CAB39: variants seen among roughly 807,000 people sequenced by gnomAD.
CAB39 encodes calcium-binding protein 39.
In CAB39, 8 loss-of-function variants were observed where a neutral mutation model predicts 40.0. The observed-to-expected ratio is 0.20, with a 90% confidence interval of 0.12 to 0.36. The LOEUF is 0.36. Ranked by LOEUF, CAB39 falls within the 10% of genes least tolerant of loss-of-function variation. CAB39 has a pLI of 1.00. For missense variants in CAB39, 270 were observed against 401.1 expected, an observed-to-expected ratio of 0.67 and a Z score of 2.79; for synonymous variants, 156 against 141.6, an observed-to-expected ratio of 1.10 and a Z score of -0.72.
At chr2:230,738,018 C>T (rs1694816492) in intron 1 of CAB39, among the ~76,000 whole-genome samples, 1 of 152,188 alleles carries the variant, frequency 6.6e-6, no homozygotes, top group Non-Finnish European at 1.5e-5. Context: ...GACGAAATTA[C>T]AAAGTCATTT....
intron 2 of CAB39, among the ~76,000 whole-genome samples, chr2:230,789,293 G>C (rs962794710): frequency 1.3e-5 from 2 of 152,114 alleles, no homozygotes; most frequent in Non-Finnish European, 2.9e-5. Context: ...ATTTGTAGTT[G>C]TAGTAACTAT....
At chr2:230,813,063 G>A (rs774715054) in intron 6 of CAB39, among the ~76,000 whole-genome samples, 7 of 152,230 alleles carry the variant, frequency 4.6e-5, no homozygotes, top group South Asian at 2.1e-4. Context: ...CCCGGCACTC[G>A]CGATGACCAA....
chr2:230,815,497 C>A (rs1283143512), intron 7 of CAB39, among the ~76,000 whole-genome samples: 1 of 152,192 alleles, frequency 6.6e-6, no homozygotes, highest in Non-Finnish European at 1.5e-5. Flanking sequence ...TACAGATGCA[C>A]ACAGTTCACT....
intron 1 of CAB39, among the ~76,000 whole-genome samples, chr2:230,715,664 G>A (rs973463295): frequency 1.3e-5 from 2 of 152,150 alleles, no homozygotes; most frequent in African/African-American, 4.8e-5. Flanking sequence ...TTCATGAAAT[G>A]GTTTGCTACT....
intron 1 of CAB39, among the ~76,000 whole-genome samples, chr2:230,753,012 G>A (rs55856923): frequency 6.6e-6 from 1 of 152,140 alleles, no homozygotes; most frequent in Non-Finnish European, 1.5e-5. Context: ...CCATAGATGA[G>A]ATCACCCAGA....
intron 1 of CAB39, among the ~76,000 whole-genome samples, chr2:230,758,920 A>G (rs1695241687): frequency 1.3e-5 from 2 of 152,202 alleles, no homozygotes; most frequent in Admixed American, 6.5e-5. Flanking sequence ...AACTTCCAAC[A>G]TGTTCCCAAG....
At chr2:230,745,783 C>T (rs1273290148) in intron 1 of CAB39, among the ~76,000 whole-genome samples, 11 of 151,962 alleles carry the variant, frequency 7.2e-5, no homozygotes, top group Admixed American at 5.9e-4. Flanking sequence ...CATACCACCA[C>T]GCCCAGCTAA....
chr2:230,748,829 AAAATATATATATATATAT>A lies in CAB39; in HGVS notation c.-43-11128_-43-11111del, dbSNP rs1168029198. The stretch of plus-strand genomic sequence containing the variant: ...TTCCAAAAAGAAAAAAAAAAAAAAA[AAAATATATATATATATAT>A]ATATATATATATATATATATAACAA... On this transcript the variant is annotated intron_variant, in intron 1 of 8. Coordinates refer to ENST00000258418, the MANE Select transcript of CAB39 (RefSeq NM_016289.4). Among the ~76,000 whole-genome samples the A allele has an allele frequency of 1.2e-3, 57 of 46,428 alleles. 1 individual carries two copies. Among genetic ancestry groups the A allele is most frequent in the East Asian group, 5.6e-3 (8 of 1,434 alleles). The allele number at this position is 46,428 out of a possible 152,430, so 30.5% of individuals were successfully genotyped here.
chr2:230,773,314 A>ATGTGTGTG (rs71052549), intron 2 of CAB39, among the ~76,000 whole-genome samples: 4,091 of 132,610 alleles, frequency 0.031, 76 homozygotes, highest in African/African-American at 0.047. Flanking sequence ...ATATATATAT[A>ATGTGTGTG]TGTGTGTGTG....
intron 1 of CAB39, among the ~76,000 whole-genome samples, chr2:230,716,028 A>G (rs903955987): frequency 1.3e-5 from 2 of 152,194 alleles, no homozygotes; most frequent in African/African-American, 4.8e-5. Flanking sequence ...AAGGCAGCTT[A>G]CTTCCCTTCA....
At chr2:230,776,708 C>T (rs945523248) in intron 2 of CAB39, among the ~76,000 whole-genome samples, 2 of 142,386 alleles carry the variant, frequency 1.4e-5, no homozygotes, top group Non-Finnish European at 3.1e-5. Context: ...CTTCCCCCCC[C>T]GAGATGGAGT....
At position 230,818,518 on chromosome 2, in the gene CAB39, G is replaced by C; in HGVS notation, c.840G>C (p.Val280=). ...IQFEAFHVFK[V]FVANPNKTQP... Reference sequence around the variant, plus strand: ...CATGTGCGTTTCTCTCCACGCAGGTGTTTGTAGCCAATCCTAACAAGACGC... The same window carrying C: ...CATGTGCGTTTCTCTCCACGCAGGTCTTTGTAGCCAATCCTAACAAGACGC... Residue 280 remains valine (V), a splice_region_variant and synonymous_variant, in exon 9 of 9, where the codon GTG becomes GTC. Coordinates refer to ENST00000258418, the MANE Select transcript of CAB39 (RefSeq NM_016289.4). 1 of 1,613,538 alleles carries C rather than the reference G, an allele frequency of 6.2e-7. No individual in the cohort carries two copies. The highest frequency in any genetic ancestry group is 8.5e-7 in the Non-Finnish European group (1 of 1,179,684).
intron 5 of CAB39, 145 bp from the exon 6 acceptor site, chr2:230,810,118 A>T: frequency 2.0e-6 from 1 of 507,096 alleles, no homozygotes. Flanking sequence ...TTATAGAATC[A>T]GTGTTTTAAT....
At chr2:230,809,470 T>G (rs1252155607) in intron 5 of CAB39, among the ~76,000 whole-genome samples, 1 of 152,188 alleles carries the variant, frequency 6.6e-6, no homozygotes, top group East Asian at 1.9e-4. Context: ...TGCTGTCACT[T>G]GTTCCCATTC....
intron 1 of CAB39, among the ~76,000 whole-genome samples, chr2:230,754,428 T>C (rs1171304519): frequency 1.5e-5 from 2 of 133,738 alleles, no homozygotes; most frequent in South Asian, 2.7e-4. Context: ...TTTCCCTCCT[T>C]CTTCCCCTTC....
At chr2:230,754,089 T>A (rs1399061931) in intron 1 of CAB39, among the ~76,000 whole-genome samples, 1 of 152,174 alleles carries the variant, frequency 6.6e-6, no homozygotes, top group African/African-American at 2.4e-5. Context: ...GGCCAGAGGC[T>A]GTGCTGTGAG....
chr2:230,732,574 G>A (rs1559591503), intron 1 of CAB39, among the ~76,000 whole-genome samples: 1 of 152,168 alleles, frequency 6.6e-6, no homozygotes. Flanking sequence ...GCTGTCTAGG[G>A]TCATGTATGT....
intron 1 of CAB39, among the ~76,000 whole-genome samples, chr2:230,732,823 G>A (rs961204017): frequency 6.6e-6 from 1 of 152,190 alleles, no homozygotes; most frequent in African/African-American, 2.4e-5. Flanking sequence ...GCCTGGGTCA[G>A]TGTGGTTAGT....
At chr2:230,771,218 C>T (rs1695477301) in intron 2 of CAB39, among the ~76,000 whole-genome samples, 1 of 151,834 alleles carries the variant, frequency 6.6e-6, no homozygotes, top group African/African-American at 2.4e-5. Context: ...ATACAGAAAT[C>T]AGTTGTATTT....
Sources: allele counts gnomAD v4.1 joint callset (sites outside exome capture counted in the v4.1 genomes callset), GRCh38; gene constraint gnomAD v4.1.1; transcripts MANE v1.5; gene names NCBI Gene and HGNC (gene_info 2026-07-23, HGNC 2026-07-21).